Variants in ME2 observed in about 807,000 individuals in gnomAD.
ME2 encodes malic enzyme 2.
In ME2, 60 loss-of-function variants were observed where a neutral mutation model predicts 73.7. That is an observed-to-expected ratio of 0.81 (90% CI 0.66 to 1.01). ME2 has a LOEUF of 1.01. ME2 is among the 50% of genes least tolerant of loss of function. The pLI is 0.00. For missense variants in ME2, 594 were observed against 705.5 expected, an observed-to-expected ratio of 0.84 and a Z score of 1.79; for synonymous variants, 199 against 236.9, an observed-to-expected ratio of 0.84 and a Z score of 1.47.
chr18:50,896,811 C>T (rs1410781037), intron 2 of ME2, among the ~76,000 whole-genome samples: 2 of 152,114 alleles, frequency 1.3e-5, no homozygotes, highest in Non-Finnish European at 2.9e-5. Context: ...GGTTTCAGGC[C>T]TACAAAGGGG....
intron 1 of ME2, among the ~76,000 whole-genome samples, chr18:50,893,124 CAAAAAAAAAAAAAAA>C (rs56104427): frequency 6.4e-5 from 5 of 78,122 alleles, no homozygotes; most frequent in Non-Finnish European, 9.5e-5. Context: ...GACTCTATCT[CAAAAAAAAAAAAAAA>C]AAAAAAAAAA....
chr18:50,895,950 G>GT, intron 2 of ME2, 22 bp downstream of exon 2: 1 of 1,453,608 alleles, frequency 6.9e-7, no homozygotes, highest in Non-Finnish European at 9.7e-7. Context: ...TAATATCAAT[G>GT]TACATTTTCT....
At chr18:50,945,975 G>A (rs912311282) in intron 15 of ME2, among the ~76,000 whole-genome samples, 1 of 152,158 alleles carries the variant, frequency 6.6e-6, no homozygotes, top group Non-Finnish European at 1.5e-5. Flanking sequence ...GCTGAGGCAG[G>A]AGAATCGCTT....
chr18:50,886,584 T>C (rs1371080082), intron 1 of ME2, among the ~76,000 whole-genome samples: 1 of 152,180 alleles, frequency 6.6e-6, no homozygotes, highest in African/African-American at 2.4e-5. Context: ...ATATTTCTTT[T>C]AAAAAGCACA....
At chr18:50,892,653 G>A (rs1165007666) in intron 1 of ME2, among the ~76,000 whole-genome samples, 1 of 151,842 alleles carries the variant, frequency 6.6e-6, no homozygotes, top group Non-Finnish European at 1.5e-5. Context: ...CAGCCACTTT[G>A]CTGAAGTCTT....
intron 3 of ME2, among the ~76,000 whole-genome samples, chr18:50,909,291 G>A (rs1917092223): frequency 6.6e-6 from 1 of 152,132 alleles, no homozygotes; most frequent in African/African-American, 2.4e-5. Flanking sequence ...GACCAACCCA[G>A]TAACTCATAG....
chr18:50,896,366 T>C lies in ME2; in HGVS notation c.108+438T>C, dbSNP rs189068497. 5.7e-3 allele frequency among the ~76,000 whole-genome samples: 870 copies of C among 152,282 alleles called. 7 individuals are homozygous for C. Among genetic ancestry groups the C allele is most frequent in the African/African-American group, 0.02 (841 of 41,544 alleles). On this transcript the variant is annotated intron_variant, in intron 2 of 15. Coordinates refer to ENST00000321341, the MANE Select transcript of ME2 (RefSeq NM_002396.5). The stretch of plus-strand genomic sequence containing the variant: ...CATCACCCCACCTCCACTTATCTTT[T>C]TGGACACAAACCATTGCACACAAAA...
At chr18:50,918,375 T>C (rs1917336505) in intron 7 of ME2, among the ~76,000 whole-genome samples, 162 bp downstream of exon 7, 1 of 152,012 alleles carries the variant, frequency 6.6e-6, no homozygotes, top group Non-Finnish European at 1.5e-5. Flanking sequence ...TCTGCCTGAT[T>C]AGATGTGCCG....
intron 12 of ME2, among the ~76,000 whole-genome samples, chr18:50,927,721 C>CATAT (rs368161371): frequency 0.016 from 1,326 of 85,298 alleles, 15 homozygotes; most frequent in South Asian, 0.03. Flanking sequence ...CCCAAAAAAC[C>CATAT]ATATATATAT....
intron 13 of ME2, among the ~76,000 whole-genome samples, chr18:50,936,838 A>G (rs936951268): frequency 6.6e-6 from 1 of 152,118 alleles, no homozygotes; most frequent in Non-Finnish European, 1.5e-5. Context: ...CACCGAGGAC[A>G]GATGATCACT....
intron 2 of ME2, among the ~76,000 whole-genome samples, chr18:50,904,279 G>GTT (rs35061724): frequency 3.1e-4 from 43 of 137,024 alleles, no homozygotes; most frequent in African/African-American, 4.0e-4. Context: ...TCTTTCTTCT[G>GTT]TTTTTTTTTT....
chr18:50,930,712 T>C (rs1917671099), intron 12 of ME2, among the ~76,000 whole-genome samples: 6 of 152,218 alleles, frequency 3.9e-5, no homozygotes, highest in Admixed American at 3.9e-4. Context: ...ATGTGCTATA[T>C]TGTATAATCT....
At chr18:50,924,269 T>TC (rs1599113233) in intron 11 of ME2, 57 bp downstream of exon 11, 1 of 1,129,738 alleles carries the variant, frequency 8.9e-7, no homozygotes, top group East Asian at 2.4e-5. Flanking sequence ...TTGCCAGTCA[T>TC]CATTACCATG....
intron 4 of ME2, among the ~76,000 whole-genome samples, chr18:50,913,469 A>G (rs1308297838): frequency 6.6e-6 from 1 of 151,892 alleles, no homozygotes; most frequent in Non-Finnish European, 1.5e-5. Flanking sequence ...TAGTAGCTGG[A>G]ATTACAGGTG....
At chr18:50,888,822 CAG>C (rs757731795) in intron 1 of ME2, among the ~76,000 whole-genome samples, 16 of 152,104 alleles carry the variant, frequency 1.1e-4, no homozygotes, top group Non-Finnish European at 2.4e-4. Flanking sequence ...GATTCTGTCA[CAG>C]AGCTCCTCAA....
intron 13 of ME2, chr18:50,934,320 A>T (rs746749082): frequency 1.8e-4 from 27 of 152,182 alleles, no homozygotes; most frequent in Non-Finnish European, 2.9e-4. Flanking sequence ...TCCTAACTTA[A>T]ATAACAGCTA....
chr18:50,891,894 G>A (rs972588307), intron 1 of ME2, among the ~76,000 whole-genome samples: 2 of 150,934 alleles, frequency 1.3e-5, no homozygotes, highest in East Asian at 3.9e-4. Flanking sequence ...GCTCACTGCA[G>A]CTCTGCCTCG....
In ME2 at chr18:50,906,890, A is replaced by G. The variant is rs181532053; in HGVS notation, c.109-1173A>G. Among the ~76,000 whole-genome samples the G allele has an allele frequency of 2.6e-5, 4 of 152,234 alleles. No homozygotes were observed. The East Asian group carries it at 5.8e-4, about 22-fold the overall frequency. ...TAGGATCTTTTCAGGTCTTTCCTGG[A>G]TGTGTCCACAGCTCATGTATGTGAC... On this transcript the variant is annotated intron_variant, in intron 2 of 15. Coordinates refer to ENST00000321341, the MANE Select transcript of ME2 (RefSeq NM_002396.5).
At chr18:50,908,956 C>CTT (rs71171364) in intron 3 of ME2, among the ~76,000 whole-genome samples, 10 of 127,374 alleles carry the variant, frequency 7.9e-5, no homozygotes, top group Non-Finnish European at 9.8e-5. Context: ...CTTTTCTTTT[C>CTT]TTTTTTTTTT....
Sources: allele counts gnomAD v4.1 joint callset (sites outside exome capture counted in the v4.1 genomes callset), GRCh38; gene constraint gnomAD v4.1.1; transcripts MANE v1.5; gene names NCBI Gene and HGNC (gene_info 2026-07-23, HGNC 2026-07-21).